RGL1: variants seen among roughly 807,000 people sequenced by gnomAD.
RGL1 encodes the protein ral guanine nucleotide dissociation stimulator like 1, also known as ral guanine nucleotide dissociation stimulator-like 1.
A neutral mutation model predicts 95.2 loss-of-function variants in RGL1; 24 were observed. The observed-to-expected ratio is 0.25, with a 90% confidence interval of 0.18 to 0.35. The LOEUF (loss-of-function observed/expected upper bound fraction) is 0.35. RGL1 is among the 10% of genes least tolerant of loss of function. RGL1 has a pLI of 1.00. For missense variants in RGL1, 715 were observed against 936.3 expected (o/e 0.76, Z 3.08); for synonymous variants, 329 against 344.9 (o/e 0.95, Z 0.51).
chr1:183,924,619 A>G (rs1249159691), intron 17 of RGL1, among the ~76,000 whole-genome samples: 3 of 152,088 alleles, frequency 2.0e-5, no homozygotes, highest in South Asian at 2.1e-4. Context: ...ACCTTAAAGT[A>G]TAGTAAAAAT....
intron 1 of RGL1, among the ~76,000 whole-genome samples, chr1:183,668,009 G>A (rs78356139): frequency 1.3e-4 from 4 of 31,564 alleles, no homozygotes; most frequent in African/African-American, 2.2e-4. Context: ...ATATATGTGT[G>A]TGTGTGTGTG....
chr1:183,900,919 CT>C (rs1667979521), intron 11 of RGL1, among the ~76,000 whole-genome samples: 1 of 151,530 alleles, frequency 6.6e-6, no homozygotes, highest in African/African-American at 2.4e-5. Context: ...AATCCCAGCA[CT>C]TTAAGAGGTC....
Position 183,926,092 on chromosome 1 carries a change from T to C in RGL1, c.2120-13T>C, listed in dbSNP as rs751873106. On this transcript the variant is annotated splice_polypyrimidine_tract_variant and intron_variant, in intron 17 of 17. Coordinates refer to ENST00000360851, the MANE Select transcript of RGL1 (RefSeq NM_001297671.3). ...CACAAGCTGACCATCTTATCTTTCC[T>C]TATCTTTTTCAGAACTTGTGATTCC... is the stretch of plus-strand genomic sequence containing the variant. 2.5e-6 allele frequency: 4 copies of C among 1,610,430 alleles called. No individual in the cohort carries two copies. Among genetic ancestry groups the C allele is most frequent in the Non-Finnish European group, 3.4e-6 (4 of 1,177,874 alleles).
At chr1:183,902,310 T>G (rs981166620) in intron 11 of RGL1, among the ~76,000 whole-genome samples, 4 of 152,232 alleles carry the variant, frequency 2.6e-5, no homozygotes, top group African/African-American at 9.6e-5. Context: ...TGGATCCTGA[T>G]TTGTAATTAT....
chr1:183,827,074 C>T (rs1299836244), intron 2 of RGL1, among the ~76,000 whole-genome samples: 1 of 152,136 alleles, frequency 6.6e-6, no homozygotes, highest in Non-Finnish European at 1.5e-5. Context: ...AGGCATACGC[C>T]ACCATGCCCA....
At chr1:183,920,987 T>G (rs556818571) in intron 16 of RGL1, among the ~76,000 whole-genome samples, 2 of 152,338 alleles carry the variant, frequency 1.3e-5, no homozygotes, top group South Asian at 4.1e-4. Context: ...GTGGGGGGCT[T>G]TCTTTCTATA....
At chr1:183,811,902 T>C (rs1034031582) in intron 2 of RGL1, among the ~76,000 whole-genome samples, 2 of 152,380 alleles carry the variant, frequency 1.3e-5, no homozygotes, top group Non-Finnish European at 2.9e-5. Flanking sequence ...ATTTTATTCT[T>C]ATTTCTGTGA....
intron 7 of RGL1, among the ~76,000 whole-genome samples, chr1:183,888,214 T>C (rs1160768276): frequency 1.3e-5 from 2 of 152,118 alleles, no homozygotes; most frequent in Non-Finnish European, 2.9e-5. Context: ...CTAGGAAAGC[T>C]GGAAACTATA....
intron 8 of RGL1, among the ~76,000 whole-genome samples, chr1:183,889,411 CAT>C (rs1302249011): frequency 6.6e-6 from 1 of 152,164 alleles, no homozygotes; most frequent in African/African-American, 2.4e-5. Flanking sequence ...GTCTATACCA[CAT>C]GTGGTATAGT....
intron 1 of RGL1, among the ~76,000 whole-genome samples, chr1:183,675,295 T>G (rs1022030743): frequency 1.7e-5 from 2 of 120,360 alleles, no homozygotes; most frequent in Non-Finnish European, 3.2e-5. Flanking sequence ...TCTATATGGT[T>G]TTTTTTTTTC....
At chr1:183,915,251 A>T (rs1668891164) in intron 15 of RGL1, among the ~76,000 whole-genome samples, 1 of 152,206 alleles carries the variant, frequency 6.6e-6, no homozygotes, top group African/African-American at 2.4e-5. Context: ...ATATGAAAGA[A>T]ATGTTATTTA....
intron 1 of RGL1, among the ~76,000 whole-genome samples, chr1:183,736,871 C>T (rs1482413949): frequency 6.6e-6 from 1 of 152,018 alleles, no homozygotes; most frequent in Non-Finnish European, 1.5e-5. Context: ...AAAAGCATGA[C>T]CCTAATAGAT....
chr1:183,859,091 A>G (rs1490625146), intron 3 of RGL1, among the ~76,000 whole-genome samples: 1 of 152,126 alleles, frequency 6.6e-6, no homozygotes, highest in East Asian at 1.9e-4. Flanking sequence ...ACCCCCATCT[A>G]CCAGTTTCTT....
intron 1 of RGL1, among the ~76,000 whole-genome samples, chr1:183,715,500 G>GT (rs34408629): frequency 0.48 from 72,597 of 151,886 alleles, 17,909 homozygotes; most frequent in East Asian, 0.76. Flanking sequence ...TCTTTTAGGT[G>GT]TAAGCCTTGT....
intron 9 of RGL1, 125 bp downstream of exon 9, chr1:183,892,286 CA>C: frequency 1.5e-6 from 1 of 669,648 alleles, no homozygotes; most frequent in South Asian, 2.5e-5. Flanking sequence ...AACTAGAAGG[CA>C]AAAAATTTTT....
At chr1:183,859,676 A>C (rs1665385088) in intron 3 of RGL1, among the ~76,000 whole-genome samples, 1 of 152,176 alleles carries the variant, frequency 6.6e-6, no homozygotes, top group Non-Finnish European at 1.5e-5. Context: ...TCAGGGAAAA[A>C]TGGCCTAGAG....
At chr1:183,765,953 T>C (rs1034012767) in intron 2 of RGL1, among the ~76,000 whole-genome samples, 6 of 152,308 alleles carry the variant, frequency 3.9e-5, no homozygotes, top group Non-Finnish European at 7.4e-5. Context: ...AACATGTCTA[T>C]ATAAATATAA....
intron 17 of RGL1, among the ~76,000 whole-genome samples, chr1:183,922,914 T>C (rs1324907113): frequency 6.6e-6 from 1 of 152,232 alleles, no homozygotes; most frequent in East Asian, 1.9e-4. Context: ...GGGAACATAT[T>C]ATTTAAAGAA....
At chr1:183,896,020 C>T (rs1042819204) in intron 9 of RGL1, among the ~76,000 whole-genome samples, 1 of 152,162 alleles carries the variant, frequency 6.6e-6, no homozygotes, top group Non-Finnish European at 1.5e-5. Flanking sequence ...GGAATTTTAG[C>T]CATGTCTACA....
Sources: gnomAD v4.1 joint callset for allele counts (sites outside exome capture counted in the v4.1 genomes callset) on GRCh38, gnomAD v4.1.1 for gene constraint, MANE v1.5 for transcripts, NCBI Gene and HGNC (gene_info 2026-07-23, HGNC 2026-07-21) for gene names.